The following EPB41L1 variants were observed in gnomAD, a reference collection of about 807,000 sequenced individuals.
EPB41L1 encodes the protein erythrocyte membrane protein band 4.1 like 1.
Under a neutral mutation model 97.8 loss-of-function variants are expected in EPB41L1, and 29 were observed. That is an observed-to-expected ratio of 0.30 (90% CI 0.22 to 0.40). The LOEUF (loss-of-function observed/expected upper bound fraction) is 0.40. Ranked by LOEUF, EPB41L1 falls within the 10% of genes least tolerant of loss-of-function variation. The pLI is 1.00. For missense variants in EPB41L1, 812 were observed against 1,162.3 expected, an observed-to-expected ratio of 0.70 and a Z score of 4.38; for synonymous variants, 383 against 459.2, an observed-to-expected ratio of 0.83 and a Z score of 2.12.
At chr20:36,116,500 A>G (rs931675274) in intron 2 of EPB41L1, among the ~76,000 whole-genome samples, 5 of 152,154 alleles carry the variant, frequency 3.3e-5, no homozygotes, top group African/African-American at 1.2e-4. Flanking sequence ...GGCAGGCCCT[A>G]TCTGGAGGGT....
chr20:36,231,605 A>G lies in EPB41L1; in HGVS notation c.*2265A>G, dbSNP rs1022571663. On this transcript the variant is annotated 3_prime_UTR_variant, in exon 22 of 22. Transcript: ENST00000338074. ...CTTTGGCTTGTCAGTGATGACATACACCTTAGCTGCTTAGCTGGTGCTGGC... is the reference window on the plus strand; with the variant it reads ...CTTTGGCTTGTCAGTGATGACATACGCCTTAGCTGCTTAGCTGGTGCTGGC... 1.3e-5 allele frequency: 2 copies of G among 152,304 alleles called. No individual in the cohort carries two copies. The highest frequency in any genetic ancestry group is 4.8e-5 in the African/African-American group (2 of 41,450). The allele number at this position is 152,304 out of a possible 1,614,324, so 9.4% of individuals were successfully genotyped here. A position where few individuals can be genotyped will look rare whatever the true frequency, so the allele number is the denominator to read the frequency against.
intron 1 of EPB41L1, among the ~76,000 whole-genome samples, chr20:36,094,542 C>A (rs1249102854): frequency 6.6e-6 from 1 of 152,166 alleles, no homozygotes; most frequent in East Asian, 1.9e-4. Context: ...TTCCCCGTAA[C>A]GTCACATCCC....
Position 36,148,131 on chromosome 20 carries a change from T to C in EPB41L1, c.-9-27420T>C, listed in dbSNP as rs75679624. Among the ~76,000 whole-genome samples, 1,222 of 152,260 alleles carry C rather than the reference T, an allele frequency of 8.0e-3. 12 individuals carry two copies. Among genetic ancestry groups the C allele is most frequent in the African/African-American group, 0.027 (1,125 of 41,538 alleles). On this transcript the variant is annotated intron_variant, in intron 2 of 19. Coordinates refer to the EPB41L1 transcript ENST00000202028. ...CGGTGTGAAGATGGCCAACACATAC[T>C]ATGCACATATTGTGAACTGGGCACT...
Position 36,195,591 on chromosome 20 carries a change from C to A in EPB41L1, c.1485+227C>A, listed in dbSNP as rs961361312. Among the ~76,000 whole-genome samples the A allele has an allele frequency of 6.6e-6, 1 of 152,180 alleles. No individual in the cohort carries two copies. The highest frequency in any genetic ancestry group is 6.5e-5 in the Admixed American group (1 of 15,272). On this transcript the variant is annotated intron_variant, in intron 13 of 21. Transcript: ENST00000338074. The surrounding 1 kb of genome is among the most constrained non-coding windows in gnomAD (Gnocchi z 4.6). ...TAGACTCTCCTGGCCAATCGGCCAT[C>A]TCTCCCTCCTCCCTCAGCCCTCCCA...
rs2064533633 is a variant in EPB41L1 at position 36,232,484 on chromosome 20, C to T, written c.*3144C>T. ...TTGCTATCTCATGGGTCTTCATTTT[C>T]TCTTATTTTGTTTTCTCTGGATCTT... On this transcript the variant is annotated 3_prime_UTR_variant, in exon 22 of 22. Coordinates refer to ENST00000338074, the MANE Select transcript of EPB41L1 (RefSeq NM_012156.2). 2.5e-6 allele frequency: 1 copy of T among 397,856 alleles called. No homozygotes were observed. The highest frequency in any genetic ancestry group is 4.4e-5 in the Admixed American group (1 of 22,706). The allele number at this position is 397,856 out of a possible 1,614,324, so 24.6% of individuals were successfully genotyped here.
rs1019996649 is a variant in EPB41L1 at position 36,154,793 on chromosome 20, C to T, written c.-118C>T. On this transcript the variant is annotated 5_prime_UTR_variant, in exon 1 of 22. Coordinates refer to ENST00000338074, the MANE Select transcript of EPB41L1 (RefSeq NM_012156.2). This position sits in a 1 kb window ranked among gnomAD's most constrained non-coding sequence, Gnocchi z 5.5. ...TCGCCGAACAGGCTGCTCCGCAGAG[C>T]CCGCCGCGACCCCGCGCCGCCCCGC... is the stretch of plus-strand genomic sequence containing the variant. 477 of 988,974 alleles carry T rather than the reference C, an allele frequency of 4.8e-4. 1 individual carries two copies. Among genetic ancestry groups the T allele is most frequent in the Non-Finnish European group, 5.5e-4 (459 of 832,204 alleles). 61.3% of individuals were successfully genotyped at this position (988,974 alleles called of 1,614,324 possible).
At chr20:36,153,091 T>C, upstream of EPB41L1, 2 of 456,672 alleles carry the variant, frequency 4.4e-6, no homozygotes, top group Non-Finnish European at 8.8e-6. Flanking sequence ...AGACACCTGA[T>C]GAAGGAGGTT....
intron 1 of EPB41L1, among the ~76,000 whole-genome samples, chr20:36,160,020 A>T (rs369802435): frequency 1.3e-5 from 2 of 152,192 alleles, no homozygotes; most frequent in East Asian, 3.9e-4. Flanking sequence ...ATTAGTGGAG[A>T]TGATGATGAT....
intron 1 of EPB41L1, among the ~76,000 whole-genome samples, chr20:36,095,186 G>T (rs894089019): frequency 1.3e-5 from 2 of 152,160 alleles, no homozygotes; most frequent in Non-Finnish European, 2.9e-5. Context: ...TGGCCAAGCA[G>T]GCTTTGAACT....
At chr20:36,197,517 G>C in intron 13 of EPB41L1, 2 of 444,480 alleles carry the variant, frequency 4.5e-6, no homozygotes, top group Non-Finnish European at 6.0e-6. Context: ...GACTAAGACC[G>C]GGCTTATAGC....
Position 36,195,470 on chromosome 20 carries a change from C to G in EPB41L1, c.1485+106C>G. On this transcript the variant is annotated intron_variant, in intron 13 of 21. Coordinates refer to ENST00000338074, the MANE Select transcript of EPB41L1 (RefSeq NM_012156.2). This position sits in a 1 kb window ranked among gnomAD's most constrained non-coding sequence, Gnocchi z 4.6. ...GCTCACTTCCCTGGCACCATCTCAGCTTCAACTTCATCTCTGCTCCCCAGC... is the reference window on the plus strand; with the variant it reads ...GCTCACTTCCCTGGCACCATCTCAGGTTCAACTTCATCTCTGCTCCCCAGC... 1 of 1,317,878 alleles carries G rather than the reference C, an allele frequency of 7.6e-7. No individual in the cohort carries two copies. The highest frequency in any genetic ancestry group is 1.2e-5 in the South Asian group (1 of 83,506). The allele number at this position is 1,317,878 out of a possible 1,614,324, so 81.6% of individuals were successfully genotyped here. A position where few individuals can be genotyped will look rare whatever the true frequency, so the allele number is the denominator to read the frequency against.
Position 36,194,157 on chromosome 20 carries a change from T to C in EPB41L1, c.1301-55T>C, listed in dbSNP as rs2062079677. The C allele has an allele frequency of 4.3e-6, 7 of 1,611,110 alleles. No homozygotes were observed. The South Asian group carries it at 7.7e-5, about 18-fold the overall frequency. ...TGGGCAGGGCTGGGCTGGTTCTCTGTCTGTTCTCTGGGAGGGGTCTCACAT... is the reference window on the plus strand; with the variant it reads ...TGGGCAGGGCTGGGCTGGTTCTCTGCCTGTTCTCTGGGAGGGGTCTCACAT... On this transcript the variant is annotated intron_variant, in intron 11 of 21. Transcript: ENST00000338074.
At chr20:36,151,743 C>G (rs2060056395), upstream of EPB41L1, 1 of 152,222 alleles carries the variant, frequency 6.6e-6, no homozygotes, top group Non-Finnish European at 1.5e-5. Context: ...GTCCAGGGAG[C>G]CAGTGTAACT....
intron 2 of EPB41L1, among the ~76,000 whole-genome samples, chr20:36,142,178 G>A (rs952019949): frequency 1.3e-5 from 2 of 151,588 alleles, no homozygotes; most frequent in Non-Finnish European, 2.9e-5. Flanking sequence ...CATTTGTTAC[G>A]TACCATTTTG....
upstream of EPB41L1, chr20:36,154,705 G>A (rs890834810): frequency 9.7e-4 from 951 of 983,914 alleles, no homozygotes; most frequent in Middle Eastern, 1.6e-3. This position sits in a 1 kb window ranked among gnomAD's most constrained non-coding sequence, Gnocchi z 5.5. Flanking sequence ...AGCCCCTGGC[G>A]CACGCCGAGC....
intron 19 of EPB41L1, among the ~76,000 whole-genome samples, chr20:36,220,577 A>T (rs1703422063): frequency 1.3e-5 from 2 of 152,188 alleles, no homozygotes; most frequent in Non-Finnish European, 2.9e-5. Flanking sequence ...CAGTGAACAT[A>T]GGTTTAAGGA....
intron 14 of EPB41L1, among the ~76,000 whole-genome samples, chr20:36,201,606 T>A (rs1317872120): frequency 2.0e-5 from 3 of 152,198 alleles, no homozygotes; most frequent in African/African-American, 4.8e-5. Context: ...AAAGTGGACA[T>A]CTTTCTCTAA....
At chr20:36,109,068 C>T (rs148216216) in intron 1 of EPB41L1, among the ~76,000 whole-genome samples, 2,321 of 152,174 alleles carry the variant, frequency 0.015, 46 homozygotes, top group South Asian at 0.064. Flanking sequence ...CTCAGCCTCC[C>T]GAATAGCTGG....
rs919384131 is a variant in EPB41L1 at position 36,231,756 on chromosome 20, G to A, written c.*2416G>A. On this transcript the variant is annotated 3_prime_UTR_variant, in exon 22 of 22. Transcript: ENST00000338074. ...GTGGGTCCACTCCAACTCCCCCTGA[G>A]TGTAGCAGCACACTTTCCATACACC... is the stretch of plus-strand genomic sequence containing the variant. The A allele has an allele frequency of 2.0e-5, 3 of 152,712 alleles. No homozygotes were observed. Among genetic ancestry groups the A allele is most frequent in the Non-Finnish European group, 2.9e-5 (2 of 68,102 alleles). The allele number at this position is 152,712 out of a possible 1,614,324, so 9.5% of individuals were successfully genotyped here.
Sources: allele counts gnomAD v4.1 joint callset (sites outside exome capture counted in the v4.1 genomes callset), GRCh38; gene constraint gnomAD v4.1.1; non-coding constraint Gnocchi (gnomAD v3.1); transcripts MANE v1.5; gene names NCBI Gene and HGNC (gene_info 2026-07-23, HGNC 2026-07-21).